Variants in C7 observed in about 807,000 individuals in gnomAD.
The protein encoded by C7 is complement component C7.
C7 carries 83 observed loss-of-function variants against 104.8 expected under a neutral mutation model. The observed-to-expected ratio is 0.79, with a 90% CI of 0.66 to 0.95. C7 has a LOEUF of 0.95. Ranked by LOEUF, C7 falls within the 40% of genes least tolerant of loss-of-function variation. C7 has a pLI of 0.00. For missense variants in C7, 1,070 were observed against 1,011.2 expected, an observed-to-expected ratio of 1.06 and a Z score of -0.79; for synonymous variants, 415 against 360.6, an observed-to-expected ratio of 1.15 and a Z score of -1.71.
rs189426086 is a variant in C7 at position 40,981,893 on chromosome 5, T to C, written c.*320T>C. Reference sequence around the variant, plus strand: ...ATTAGAGGATTGCACTAGAGAAACTTGAATGCTCCATTCAGGCCTATCATT... The same window carrying C: ...ATTAGAGGATTGCACTAGAGAAACTCGAATGCTCCATTCAGGCCTATCATT... On this transcript the variant is annotated 3_prime_UTR_variant, in exon 18 of 18. Transcript: ENST00000313164. 307 of 208,568 alleles carry C rather than the reference T, an allele frequency of 1.5e-3. 1 individual carries two copies. Among genetic ancestry groups the C allele is most frequent in the African/African-American group, 6.7e-3 (292 of 43,566 alleles). The allele number at this position is 208,568 out of a possible 1,614,324, so 12.9% of individuals were successfully genotyped here. A position where few individuals can be genotyped will look rare whatever the true frequency, so the allele number is the denominator to read the frequency against.
At chr5:40,921,440 A>G (rs1050573629) in intron 1 of C7, among the ~76,000 whole-genome samples, 7 of 152,142 alleles carry the variant, frequency 4.6e-5, no homozygotes, top group African/African-American at 1.7e-4. Flanking sequence ...AATTATTCAC[A>G]GACATAGAAA....
intron 9 of C7, among the ~76,000 whole-genome samples, 172 bp from the exon 10 acceptor site, chr5:40,955,215 A>G (rs1188279395): frequency 2.0e-5 from 3 of 152,220 alleles, no homozygotes; most frequent in Admixed American, 2.0e-4. Flanking sequence ...GAACAGTGTC[A>G]CTGCCCTAAA....
At chr5:40,968,588 ATATATATATATATTTTTTTTTTTTTTT>A (rs1487877081) in intron 14 of C7, among the ~76,000 whole-genome samples, 1,132 of 46,320 alleles carry the variant, frequency 0.024, 6 homozygotes, top group Middle Eastern at 0.078. Flanking sequence ...ATATATATAT[ATATATATATATATTTTTTTTTTTTTTT>A]TTTTTTTTTT....
intron 8 of C7, 29 bp downstream of exon 8, chr5:40,947,874 A>T: frequency 6.2e-7 from 1 of 1,602,810 alleles, no homozygotes; most frequent in Non-Finnish European, 8.5e-7. Context: ...CGTTGTCTAA[A>T]GGCATTTCTG....
At chr5:40,948,518 C>T (rs868343115) in intron 8 of C7, among the ~76,000 whole-genome samples, 3 of 152,106 alleles carry the variant, frequency 2.0e-5, no homozygotes, top group Admixed American at 6.6e-5. Context: ...GTCAGTTTAG[C>T]TTATTCCTTA....
intron 1 of C7, among the ~76,000 whole-genome samples, chr5:40,919,134 T>C (rs1302079084): frequency 6.6e-6 from 1 of 151,768 alleles, no homozygotes. Context: ...ATCTTTTTTT[T>C]TTTTTTTGAG....
chr5:40,937,108 A>G (rs531602169), intron 5 of C7: 5 of 153,026 alleles, frequency 3.3e-5, no homozygotes, highest in African/African-American at 1.2e-4. Context: ...AAATTTATTA[A>G]CAGAGAAATA....
rs928137299 is a variant in C7, at chr5:40,955,401, G to A, written c.1108G>A (p.Val370Ile). 10 of 1,608,512 alleles carry A rather than the reference G, an allele frequency of 6.2e-6. No homozygotes were observed. Among genetic ancestry groups the A allele is most frequent in the Non-Finnish European group, 8.5e-6 (10 of 1,177,888 alleles). The part of the protein sequence containing the change: ...LKAASGTQNN[V>I]LRGEPFIRGG... ...CTTCTGTATAGGAACCCAGAACAAT[G>A]TATTGCGAGGAGAACCGTTCATCAG... Residue 370 changes from valine to isoleucine, a missense_variant, in exon 10 of 18, where the codon GTA becomes ATA. Transcript: ENST00000313164.
At chr5:40,942,633 G>A (rs556878341) in intron 6 of C7, among the ~76,000 whole-genome samples, 27 of 152,232 alleles carry the variant, frequency 1.8e-4, no homozygotes, top group South Asian at 1.7e-3. Flanking sequence ...AATAGGTACT[G>A]TAGAGAATGG....
At chr5:40,930,328 C>G (rs1041765186) in intron 2 of C7, among the ~76,000 whole-genome samples, 1 of 151,068 alleles carries the variant, frequency 6.6e-6, no homozygotes, top group Non-Finnish European at 1.5e-5. Context: ...GTCTCAGCCT[C>G]CCAAGTAGCC....
intron 6 of C7, 42 bp downstream of exon 6, chr5:40,937,732 G>C (rs1561243941): frequency 7.4e-6 from 11 of 1,479,500 alleles, no homozygotes; most frequent in Non-Finnish European, 1.0e-5. Context: ...AATTGTCAGA[G>C]AGCATTATTT....
Position 40,976,852 on chromosome 5 carries a change from C to T in C7, c.2165+12C>T, listed in dbSNP as rs1284655596. ...CCCTACGAATGTGGGTAAGTGCCGC[C>T]TTTGCTCATTTCTCTGTTTTATTTT... On this transcript the variant is annotated intron_variant, in intron 16 of 17. Transcript: ENST00000313164. 4 of 1,574,200 alleles carry T rather than the reference C, an allele frequency of 2.5e-6. No homozygotes were observed. Among genetic ancestry groups the T allele is most frequent in the East Asian group, 2.3e-5 (1 of 43,966 alleles).
rs375964034 is a variant in C7, at chr5:40,955,407, C to G, written c.1114C>G (p.Arg372Gly). ...AASGTQNNVLRGEPFIRGGGA... is the reference protein window; with the variant it reads ...AASGTQNNVLGGEPFIRGGGA... Reference sequence around the variant, plus strand: ...TATAGGAACCCAGAACAATGTATTGCGAGGAGAACCGTTCATCAGAGGGGG... The same window carrying G: ...TATAGGAACCCAGAACAATGTATTGGGAGGAGAACCGTTCATCAGAGGGGG... Residue 372 changes from arginine to glycine, a missense_variant, in exon 10 of 18, where the codon CGA becomes GGA. Arg to Gly is a moderately radical substitution (Grantham distance 125). Coordinates refer to ENST00000313164, the MANE Select transcript of C7 (RefSeq NM_000587.4). The G allele has an allele frequency of 1.2e-6, 2 of 1,609,004 alleles. No homozygotes were observed. Among genetic ancestry groups the G allele is most frequent in the Admixed American group, 1.7e-5 (1 of 59,040 alleles).
rs529604232 is a variant in C7, at chr5:40,940,088, G to T, written c.567+2398G>T. Among the ~76,000 whole-genome samples, 137 of 152,288 alleles carry T rather than the reference G, an allele frequency of 9.0e-4. 1 individual carries two copies. Among genetic ancestry groups the T allele is most frequent in the South Asian group, 8.3e-4 (4 of 4,824 alleles). ...CGCGGAGGTGGTGAATGTCCTCCAT[G>T]GTTCAAATAAATTCATCTCGGGCCC... On this transcript the variant is annotated intron_variant, in intron 6 of 17. Transcript: ENST00000313164.
intron 15 of C7, among the ~76,000 whole-genome samples, chr5:40,976,388 G>A (rs113982069): frequency 3.3e-5 from 5 of 152,302 alleles, no homozygotes; most frequent in African/African-American, 1.2e-4. Flanking sequence ...GCCTGGGCCA[G>A]TTTGTTAAAT....
chr5:40,913,181 A>G (rs1739246932), intron 1 of C7, among the ~76,000 whole-genome samples: 1 of 152,022 alleles, frequency 6.6e-6, no homozygotes, highest in Non-Finnish European at 1.5e-5. Flanking sequence ...TATATACTGC[A>G]TTTTCTTTAT....
rs760310313 is a variant in C7 at position 40,919,993 on chromosome 5, G to A, written c.7-8587G>A. Among the ~76,000 whole-genome samples, 94 of 151,862 alleles carry A rather than the reference G, an allele frequency of 6.2e-4. 1 individual carries two copies. The highest frequency in any genetic ancestry group is 1.0e-4 in the Non-Finnish European group (7 of 67,932). ...AAGAAAGGAAATAATAAAAATCAGA[G>A]CAGAAATAAATGAAATAGAGACTAG... On this transcript the variant is annotated intron_variant, in intron 1 of 17. Coordinates refer to ENST00000313164, the MANE Select transcript of C7 (RefSeq NM_000587.4).
At chr5:40,981,293 C>T (rs1158054225) in intron 17 of C7, 99 bp from the exon 18 acceptor site, 20 of 1,175,132 alleles carry the variant, frequency 1.7e-5, no homozygotes, top group Non-Finnish European at 2.3e-5. Flanking sequence ...GCAGGAGCTT[C>T]TACAGCTCTG....
intron 13 of C7, among the ~76,000 whole-genome samples, chr5:40,962,723 T>C (rs1358218510): frequency 6.6e-6 from 1 of 152,222 alleles, no homozygotes; most frequent in African/African-American, 2.4e-5. Flanking sequence ...TCTTGGCTTT[T>C]GGGACATTTT....
Sources: allele counts gnomAD v4.1 joint callset (sites outside exome capture counted in the v4.1 genomes callset), GRCh38; gene constraint gnomAD v4.1.1; transcripts MANE v1.5; gene names NCBI Gene and HGNC (gene_info 2026-07-23, HGNC 2026-07-21).